The following NMNAT2 variants were observed in gnomAD, a reference collection of about 807,000 sequenced individuals.
The protein encoded by NMNAT2 is nicotinamide nucleotide adenylyltransferase 2.
A neutral mutation model predicts 41.6 loss-of-function variants in NMNAT2; 11 were observed. The ratio of observed to expected loss-of-function variants is 0.26; its 90% CI spans 0.17 to 0.44. NMNAT2 has a LOEUF of 0.44. Among genes scored for constraint, NMNAT2 ranks in the 20% least tolerant of loss-of-function variants. The pLI, the probability that NMNAT2 is intolerant of heterozygous loss-of-function variation, is 1.00. For missense variants in NMNAT2, 288 were observed against 407.7 expected, an observed-to-expected ratio of 0.71 and a Z score of 2.53; for synonymous variants, 148 against 151.2, an observed-to-expected ratio of 0.98 and a Z score of 0.16.
chr1:183,403,947 T>C (rs1407476828), intron 1 of NMNAT2, among the ~76,000 whole-genome samples: 1 of 152,152 alleles, frequency 6.6e-6, no homozygotes, highest in Non-Finnish European at 1.5e-5. Flanking sequence ...AGGATTTGTT[T>C]AATTATTTTT....
At chr1:183,389,427 A>G (rs1435968080) in intron 1 of NMNAT2, among the ~76,000 whole-genome samples, 2 of 152,126 alleles carry the variant, frequency 1.3e-5, no homozygotes, top group Admixed American at 6.5e-5. Context: ...ACTATTTTGT[A>G]GTTGCCTTAT....
chr1:183,284,922 G>GC, intron 5 of NMNAT2, 132 bp from the exon 6 acceptor site: 1 of 695,758 alleles, frequency 1.4e-6, no homozygotes, highest in Admixed American at 2.2e-5. Flanking sequence ...GGGAGCAGGA[G>GC]GTAGCAGGAG....
chr1:183,302,930 C>T (rs74129684), intron 1 of NMNAT2, among the ~76,000 whole-genome samples: 5,640 of 152,264 alleles, frequency 0.037, 285 homozygotes, highest in African/African-American at 0.11. Context: ...TGTGCCCCGT[C>T]CTCTTGGGAC....
chr1:183,370,270 A>G (rs1232634417), intron 1 of NMNAT2, among the ~76,000 whole-genome samples: 2 of 149,984 alleles, frequency 1.3e-5, no homozygotes, highest in South Asian at 4.2e-4. Context: ...ACACACACAC[A>G]CACACAGGCT....
chr1:183,253,394 A>C (rs1490388635), intron 10 of NMNAT2, among the ~76,000 whole-genome samples: 1 of 150,846 alleles, frequency 6.6e-6, no homozygotes, highest in African/African-American at 2.4e-5. Context: ...TAATATTCAT[A>C]TATCCATCAT....
chr1:183,292,908 A>G (rs1467992850), intron 2 of NMNAT2, 51 bp from the exon 3 acceptor site: 1 of 1,562,302 alleles, frequency 6.4e-7, no homozygotes, highest in African/African-American at 1.4e-5. Flanking sequence ...TCCCCACAAC[A>G]TCCTTGGGAT....
At chr1:183,304,694 A>C (rs897479836) in intron 1 of NMNAT2, 8 of 1,614,108 alleles carry the variant, frequency 5.0e-6, no homozygotes, top group Non-Finnish European at 6.8e-6. Flanking sequence ...AACACTTCCC[A>C]GAGCCCCTGG....
chr1:183,281,843 A>T (rs1241618862), intron 7 of NMNAT2, among the ~76,000 whole-genome samples: 2 of 152,228 alleles, frequency 1.3e-5, no homozygotes, highest in East Asian at 3.9e-4. Flanking sequence ...GGAAATATTA[A>T]AAAAGGGGAC....
Position 183,251,288 on chromosome 1 carries a change from G to A in NMNAT2, c.*1353C>T, listed in dbSNP as rs1660368430. On this transcript the variant is annotated 3_prime_UTR_variant, in exon 11 of 11. Coordinates refer to ENST00000287713, the MANE Select transcript of NMNAT2 (RefSeq NM_015039.4). ...GAACCAACCACAGAAACAAGACCAAGGCACTGCTTCTCAAGAAGAAACTGA... is the reference window on the plus strand; with the variant it reads ...GAACCAACCACAGAAACAAGACCAAAGCACTGCTTCTCAAGAAGAAACTGA... 6.6e-6 allele frequency: 1 copy of A among 152,170 alleles called. No homozygotes were observed. The highest frequency in any genetic ancestry group is 1.5e-5 in the Non-Finnish European group (1 of 68,094). The allele number at this position is 152,170 out of a possible 1,614,324, so 9.4% of individuals were successfully genotyped here. A position where few individuals can be genotyped will look rare whatever the true frequency, so the allele number is the denominator to read the frequency against.
At chr1:183,304,463 AGTG>A (rs559188301) in intron 1 of NMNAT2, among the ~76,000 whole-genome samples, 76 of 152,324 alleles carry the variant, frequency 5.0e-4, no homozygotes, top group African/African-American at 1.8e-3. Context: ...ACCCAGACTC[AGTG>A]GCCAGTGACT....
intron 1 of NMNAT2, among the ~76,000 whole-genome samples, chr1:183,341,748 C>CAAACAAAAAA (rs369432128): frequency 1.3e-5 from 1 of 79,794 alleles, no homozygotes; most frequent in African/African-American, 4.4e-5. Flanking sequence ...AAAAAAAAAA[C>CAAACAAAAAA]CTGTTTCCTT....
intron 3 of NMNAT2, among the ~76,000 whole-genome samples, chr1:183,291,102 A>C (rs1282835323): frequency 2.0e-5 from 3 of 152,122 alleles, no homozygotes; most frequent in East Asian, 3.9e-4. Context: ...TTTTTAGCAG[A>C]GATGGGGTTT....
At chr1:183,412,924 A>C (rs536705102) in intron 1 of NMNAT2, among the ~76,000 whole-genome samples, 17 of 152,350 alleles carry the variant, frequency 1.1e-4, no homozygotes, top group African/African-American at 3.8e-4. Flanking sequence ...GAGGAAAAAC[A>C]GAAAAAGAAT....
At chr1:183,252,833 T>TTGTA in intron 10 of NMNAT2, 90 bp from the exon 11 acceptor site, 3 of 909,824 alleles carry the variant, frequency 3.3e-6, no homozygotes, top group Non-Finnish European at 5.4e-6. Context: ...AGCACCCCAT[T>TTGTA]TGTAGCCTTT....
At chr1:183,306,757 C>A (rs915175404) in intron 1 of NMNAT2, among the ~76,000 whole-genome samples, 1 of 152,150 alleles carries the variant, frequency 6.6e-6, no homozygotes, top group Admixed American at 6.5e-5. Flanking sequence ...TACTAACCTC[C>A]CCCTAGAGGC....
chr1:183,360,556 G>A (rs1271105804), intron 1 of NMNAT2, among the ~76,000 whole-genome samples: 1 of 152,184 alleles, frequency 6.6e-6, no homozygotes, highest in African/African-American at 2.4e-5. Context: ...CTCCATCTAG[G>A]GAGTACCTAG....
intron 1 of NMNAT2, among the ~76,000 whole-genome samples, chr1:183,319,113 A>C (rs2102329159): frequency 6.6e-6 from 1 of 152,268 alleles, no homozygotes; most frequent in South Asian, 2.1e-4. Flanking sequence ...AGCAGAAGCT[A>C]TGCTGAAGTA....
intron 1 of NMNAT2, among the ~76,000 whole-genome samples, chr1:183,318,023 G>A (rs975753938): frequency 1.3e-5 from 2 of 152,236 alleles, no homozygotes; most frequent in Non-Finnish European, 2.9e-5. Flanking sequence ...ACGTCTGAGT[G>A]TCTATTATGT....
At chr1:183,317,436 TA>T (rs750325391) in intron 1 of NMNAT2, among the ~76,000 whole-genome samples, 7 of 152,188 alleles carry the variant, frequency 4.6e-5, no homozygotes, top group African/African-American at 9.6e-5. Flanking sequence ...TAATTTAAAA[TA>T]TTTTTTGTGT....
Sources: allele counts gnomAD v4.1 joint callset (sites outside exome capture counted in the v4.1 genomes callset), GRCh38; gene constraint gnomAD v4.1.1; transcripts MANE v1.5; gene names NCBI Gene and HGNC (gene_info 2026-07-23, HGNC 2026-07-21).